The following AP3B1 variants were observed in gnomAD, a reference collection of about 807,000 sequenced individuals.
AP3B1 encodes the protein AP-3 complex subunit beta-1.
A neutral mutation model predicts 132.5 loss-of-function variants in AP3B1; 61 were observed. The ratio of observed to expected loss-of-function variants is 0.46; its 90% confidence interval spans 0.37 to 0.57. The LOEUF is 0.57. Ranked by LOEUF, AP3B1 falls within the 20% of genes least tolerant of loss-of-function variation. The probability of loss-of-function intolerance (pLI) is 0.00; values close to 1 mark genes in which losing one functional copy is unlikely to be tolerated. For missense variants in AP3B1, 1,120 were observed against 1,289.4 expected (o/e 0.87, Z 2.01); for synonymous variants, 388 against 438.3 (o/e 0.89, Z 1.43).
intron 2 of AP3B1, among the ~76,000 whole-genome samples, chr5:78,263,525 A>G (rs1748188991): frequency 6.6e-6 from 1 of 152,182 alleles, no homozygotes; most frequent in African/African-American, 2.4e-5. Flanking sequence ...AAAATTTCCA[A>G]TACTGTGTTG....
Position 78,002,923 on chromosome 5 carries a change from C to T in AP3B1, c.3264G>A (p.Lys1088=). ...VIGSVLLREL[K]PVLSQG ...CAGGTTACCCCTGAGACAGGACAGG[C>T]TTCAGTTCCCGCAGCAGAACAGAGC... The change falls in exon 27 of 27, where the codon AAG becomes AAA. Residue 1088 remains lysine, a synonymous_variant. Transcript: ENST00000255194. The T allele has an allele frequency of 2.5e-6, 4 of 1,614,204 alleles. No homozygotes were observed. The highest frequency in any genetic ancestry group is 3.4e-6 in the Non-Finnish European group (4 of 1,180,034).
intron 1 of AP3B1, among the ~76,000 whole-genome samples, chr5:78,273,497 C>G (rs1299724203): frequency 6.6e-6 from 1 of 152,098 alleles, no homozygotes; most frequent in Non-Finnish European, 1.5e-5. Flanking sequence ...AAGGAGAAGT[C>G]ACAGTCTTAA....
intron 26 of AP3B1, among the ~76,000 whole-genome samples, chr5:78,010,499 T>G (rs1746574741): frequency 6.6e-6 from 1 of 152,236 alleles, no homozygotes; most frequent in Admixed American, 6.5e-5. Flanking sequence ...CTACATGTTT[T>G]TTGTTTTCTG....
chr5:78,124,149 G>A (rs969431936), intron 17 of AP3B1, among the ~76,000 whole-genome samples: 3 of 152,120 alleles, frequency 2.0e-5, no homozygotes, highest in African/African-American at 7.2e-5. Flanking sequence ...AATGAACAAT[G>A]AGAACACATG....
At chr5:78,067,112 T>A (rs181260043) in intron 22 of AP3B1, among the ~76,000 whole-genome samples, 1 of 152,060 alleles carries the variant, frequency 6.6e-6, no homozygotes, top group East Asian at 1.9e-4. Flanking sequence ...AAAGCAGGGG[T>A]TGAAATCCTA....
In AP3B1 at chr5:78,294,643, C is replaced by T. The variant is rs1044846579; in HGVS notation, c.-64G>A. The T allele has an allele frequency of 9.3e-6, 15 of 1,610,476 alleles. No homozygotes were observed. The highest frequency in any genetic ancestry group is 6.7e-5 in the African/African-American group (5 of 75,058). ...GGGTTCTCTCCAAAAGGTTCCAGTCCAGAGGGCACGGAACAAAACTAGTTC... is the reference window on the plus strand; with the variant it reads ...GGGTTCTCTCCAAAAGGTTCCAGTCTAGAGGGCACGGAACAAAACTAGTTC... On this transcript the variant is annotated 5_prime_UTR_variant, in exon 1 of 27. Transcript: ENST00000255194.
chr5:78,036,557 T>G (rs1345007998), intron 23 of AP3B1, among the ~76,000 whole-genome samples: 1 of 152,156 alleles, frequency 6.6e-6, no homozygotes, highest in African/African-American at 2.4e-5. Context: ...CTGAATATAG[T>G]AAAGAGAGCT....
rs1451428921 is a variant in AP3B1 at position 78,294,592 on chromosome 5, G to T, written c.-13C>A. 6.2e-7 allele frequency: 1 copy of T among 1,613,968 alleles called. No individual in the cohort carries two copies. The highest frequency in any genetic ancestry group is 1.3e-5 in the African/African-American group (1 of 75,080). On this transcript the variant is annotated 5_prime_UTR_variant, in exon 1 of 27. Transcript: ENST00000255194. ...TATTGCTGGACATTGCCGCGGTGCTGGCGGGTGCGGGGTTGGTCCTGCCGG... is the reference window on the plus strand; with the variant it reads ...TATTGCTGGACATTGCCGCGGTGCTTGCGGGTGCGGGGTTGGTCCTGCCGG...
intron 20 of AP3B1, among the ~76,000 whole-genome samples, chr5:78,104,630 CA>C (rs964166730): frequency 1.1e-4 from 16 of 151,932 alleles, no homozygotes; most frequent in African/African-American, 3.9e-4. Flanking sequence ...AACATAAAAC[CA>C]ATCAAAAAAT....
At chr5:78,277,457 A>G (rs1405061608) in intron 1 of AP3B1, among the ~76,000 whole-genome samples, 1 of 152,254 alleles carries the variant, frequency 6.6e-6, no homozygotes, top group African/African-American at 2.4e-5. Context: ...AGGGAGGAAC[A>G]AAAACATAAA....
At chr5:78,210,524 T>C (rs903207466) in intron 7 of AP3B1, among the ~76,000 whole-genome samples, 3 of 152,182 alleles carry the variant, frequency 2.0e-5, no homozygotes, top group Non-Finnish European at 2.9e-5. Context: ...ACAAAATTAA[T>C]TACTCCAAAT....
intron 6 of AP3B1, among the ~76,000 whole-genome samples, chr5:78,225,237 T>C (rs1050011636): frequency 6.6e-6 from 1 of 152,044 alleles, no homozygotes; most frequent in African/African-American, 2.4e-5. Flanking sequence ...GTAACTCACA[T>C]CCCCCATAGG....
In AP3B1 at chr5:78,129,253, C is replaced by T; in HGVS notation, c.1705G>A (p.Asp569Asn). 5 of 1,613,226 alleles carry T rather than the reference C, an allele frequency of 3.1e-6. No homozygotes were observed. Among genetic ancestry groups the T allele is most frequent in the East Asian group, 2.2e-5 (1 of 44,830 alleles). ...LNLGKYDQNY[D>N]IRDRTRFIRQ... ...ATAAATCTTGTACGGTCTCTGATGT[C>T]GTAGTTTTGATCATACTTGCCGAGA... Residue 569 changes from aspartate to asparagine, a missense_variant, in exon 16 of 27, where the codon GAC becomes AAC. By Grantham distance (23) the Asp-to-Asn change is conservative. This residue lies in a region of AP3B1 where 906 missense variants were observed against 997.1 expected (regional missense o/e 0.91). Transcript: ENST00000255194.
At chr5:78,067,045 T>C (rs1034941791) in intron 22 of AP3B1, among the ~76,000 whole-genome samples, 2 of 152,080 alleles carry the variant, frequency 1.3e-5, no homozygotes. Context: ...CAACCCAGAA[T>C]TTCATATCTG....
intron 22 of AP3B1, among the ~76,000 whole-genome samples, chr5:78,081,539 C>T (rs1205679572): frequency 1.3e-5 from 2 of 151,920 alleles, no homozygotes; most frequent in Non-Finnish European, 2.9e-5. Context: ...CCTCGTGATC[C>T]GCCCGCCTCG....
At chr5:78,098,203 G>A (rs1203063483) in intron 21 of AP3B1, among the ~76,000 whole-genome samples, 2 of 151,526 alleles carry the variant, frequency 1.3e-5, no homozygotes, top group African/African-American at 4.9e-5. Context: ...TTGTTTATCT[G>A]CTGACCTTCC....
chr5:78,267,658 T>C (rs1748382683), intron 1 of AP3B1, 63 bp from the exon 2 acceptor site: 1 of 1,007,788 alleles, frequency 9.9e-7, no homozygotes, highest in Non-Finnish European at 1.5e-6. Flanking sequence ...GCTTAAAATA[T>C]ATCATTTTCA....
At chr5:78,213,866 TTCTA>T (rs1427400484) in intron 7 of AP3B1, among the ~76,000 whole-genome samples, 1 of 152,244 alleles carries the variant, frequency 6.6e-6, no homozygotes, top group Admixed American at 6.5e-5. Context: ...GTGGTTTTCT[TTCTA>T]TCTGTCTTTT....
At chr5:78,222,920 G>A (rs1164717941) in intron 6 of AP3B1, among the ~76,000 whole-genome samples, 3 of 151,904 alleles carry the variant, frequency 2.0e-5, no homozygotes, top group Admixed American at 2.0e-4. Context: ...TACAGTGCTA[G>A]CAATTCTGAA....
Sources: allele counts gnomAD v4.1 joint callset (sites outside exome capture counted in the v4.1 genomes callset), GRCh38; gene constraint gnomAD v4.1.1; regional missense constraint gnomAD v4.1.1; transcripts MANE v1.5; gene names NCBI Gene and HGNC (gene_info 2026-07-23, HGNC 2026-07-21).